Variants in MINPP1 observed in about 807,000 individuals in gnomAD.
MINPP1 encodes the protein multiple inositol polyphosphate phosphatase 1.
In MINPP1, 28 loss-of-function variants were observed where a neutral mutation model predicts 46.1. The ratio of observed to expected loss-of-function variants is 0.61; its 90% CI spans 0.45 to 0.83. The LOEUF is 0.83. Among genes scored for constraint, MINPP1 ranks in the 40% least tolerant of loss-of-function variants. The probability of loss-of-function intolerance (pLI) is 0.00; values close to 1 mark genes in which losing one functional copy is unlikely to be tolerated. For missense variants in MINPP1, 603 were observed against 610.0 expected (o/e 0.99, Z 0.12); for synonymous variants, 268 against 249.1 (o/e 1.08, Z -0.72).
At chr10:87,528,458 C>T (rs547887851) in intron 4 of MINPP1, among the ~76,000 whole-genome samples, 14 of 152,270 alleles carry the variant, frequency 9.2e-5, no homozygotes, top group African/African-American at 2.4e-4. Context: ...GCCTTCATTT[C>T]GTTATGTACC....
At chr10:87,520,520 A>G (rs538127257) in intron 3 of MINPP1, among the ~76,000 whole-genome samples, 1 of 152,310 alleles carries the variant, frequency 6.6e-6, no homozygotes, top group South Asian at 2.1e-4. Context: ...AAACAGATAC[A>G]TGAACCAAAG....
intron 3 of MINPP1, among the ~76,000 whole-genome samples, chr10:87,517,358 T>G (rs541825964): frequency 1.3e-5 from 2 of 152,308 alleles, no homozygotes; most frequent in African/African-American, 2.4e-5. Context: ...GTAAAACATG[T>G]ACCTGTAGCA....
In MINPP1 at chr10:87,505,344, C is replaced by T. The variant is rs780632532; in HGVS notation, c.429C>T (p.Asp143=). Reference sequence around the variant, plus strand: ...CTTTGTGGTACGCGGACTGGATGGACGGGCAGCTAGTAGAGAAGGGACGGC... The same window carrying T: ...CTTTGTGGTACGCGGACTGGATGGATGGGCAGCTAGTAGAGAAGGGACGGC... The part of the protein sequence containing the change: ...DWPLWYADWM[D]GQLVEKGRQD... Residue 143 remains aspartate, a synonymous_variant, in exon 1 of 5, where the codon GAC becomes GAT. Transcript: ENST00000371996. The surrounding 1 kb of genome is among the most constrained non-coding windows in gnomAD (Gnocchi z 4.4). The T allele has an allele frequency of 4.3e-6, 7 of 1,613,782 alleles. No individual in the cohort carries two copies. The highest frequency in any genetic ancestry group is 2.2e-5 in the East Asian group (1 of 44,888).
chr10:87,547,278 T>G (rs1041886309), intron 4 of MINPP1, among the ~76,000 whole-genome samples: 35 of 152,074 alleles, frequency 2.3e-4, no homozygotes, highest in Admixed American at 2.2e-3. Flanking sequence ...ACCCAGCTAG[T>G]TTTTTTGTAT....
At chr10:87,519,614 A>G (rs746687950) in intron 3 of MINPP1, among the ~76,000 whole-genome samples, 2 of 152,212 alleles carry the variant, frequency 1.3e-5, no homozygotes, top group Non-Finnish European at 2.9e-5. Context: ...GTAGGCAGCA[A>G]TGCTAGTGTA....
At chr10:87,541,634 CA>C (rs911588536) in intron 4 of MINPP1, among the ~76,000 whole-genome samples, 1 of 152,182 alleles carries the variant, frequency 6.6e-6, no homozygotes, top group Non-Finnish European at 1.5e-5. Context: ...AATTGGCTCA[CA>C]GTTCTGCAGG....
At chr10:87,523,350 A>G (rs1851529552) in intron 4 of MINPP1, among the ~76,000 whole-genome samples, 2 of 142,032 alleles carry the variant, frequency 1.4e-5, no homozygotes, top group African/African-American at 5.6e-5. Flanking sequence ...GTCATATGAA[A>G]TTTCTGTTTT....
chr10:87,528,848 C>G (rs1236993547), intron 4 of MINPP1, among the ~76,000 whole-genome samples: 11 of 152,132 alleles, frequency 7.2e-5, no homozygotes, highest in Non-Finnish European at 1.5e-4. Flanking sequence ...GAGTCTAAGT[C>G]TCTTTGTAGG....
intron 4 of MINPP1, among the ~76,000 whole-genome samples, chr10:87,540,966 T>G (rs898576597): frequency 6.6e-5 from 10 of 152,206 alleles, no homozygotes; most frequent in Non-Finnish European, 1.5e-4. Context: ...GTTTAAAAGT[T>G]ATAAAAACAA....
chr10:87,517,029 A>T (rs911222891), intron 3 of MINPP1, among the ~76,000 whole-genome samples: 2 of 152,156 alleles, frequency 1.3e-5, no homozygotes, highest in East Asian at 3.8e-4. Flanking sequence ...ACATGGACAG[A>T]TAGAGGGGAA....
intron 4 of MINPP1, among the ~76,000 whole-genome samples, chr10:87,523,263 A>G (rs978143420): frequency 1.3e-5 from 2 of 152,194 alleles, no homozygotes; most frequent in African/African-American, 4.8e-5. Context: ...TACATTCCTC[A>G]GATCCATTAA....
chr10:87,508,329 C>G lies in MINPP1; in HGVS notation c.638-7C>G, dbSNP rs766090928. 6.2e-7 allele frequency: 1 copy of G among 1,612,152 alleles called. No individual in the cohort carries two copies. Among genetic ancestry groups the G allele is most frequent in the South Asian group, 1.1e-5 (1 of 90,638 alleles). ...TACAAATACATATAAATTTTTTTCT[C>G]TTTCAGATATGGAGTTTGGACCTCC... On this transcript the variant is annotated splice_polypyrimidine_tract_variant and splice_region_variant and intron_variant, in intron 1 of 4. Transcript: ENST00000371996.
intron 1 of MINPP1, 134 bp from the exon 2 acceptor site, chr10:87,508,202 A>G: frequency 6.5e-7 from 1 of 1,549,186 alleles, no homozygotes; most frequent in South Asian, 1.2e-5. Context: ...TTTCCTGACC[A>G]ATATGTGCTT....
chr10:87,550,266 T>A lies in MINPP1; in HGVS notation c.1068-1816T>A, dbSNP rs530643619. Among the ~76,000 whole-genome samples, 4 of 152,312 alleles carry A rather than the reference T, an allele frequency of 2.6e-5. No homozygotes were observed. The South Asian group carries it at 8.3e-4, about 32-fold the overall frequency. ...CTGGTCAAACTAAATATGGCTGTGT[T>A]CTGAATGCTACCGCTTGGTAACTTC... On this transcript the variant is annotated intron_variant, in intron 4 of 4. Coordinates refer to ENST00000371996, the MANE Select transcript of MINPP1 (RefSeq NM_004897.5).
chr10:87,519,184 T>C (rs901289348), intron 3 of MINPP1, among the ~76,000 whole-genome samples: 19 of 152,128 alleles, frequency 1.2e-4, no homozygotes, highest in African/African-American at 4.6e-4. Flanking sequence ...AAAGCCAATA[T>C]ATACATATCA....
chr10:87,542,137 G>T (rs1487727943), intron 4 of MINPP1, among the ~76,000 whole-genome samples: 1 of 152,116 alleles, frequency 6.6e-6, no homozygotes, highest in Non-Finnish European at 1.5e-5. Context: ...CTGTGATCCT[G>T]TGAGATCAGA....
chr10:87,536,847 C>T (rs1851742643), intron 4 of MINPP1, among the ~76,000 whole-genome samples: 1 of 152,070 alleles, frequency 6.6e-6, no homozygotes, highest in African/African-American at 2.4e-5. Flanking sequence ...AATAATGCTT[C>T]TGAATATTTG....
intron 4 of MINPP1, among the ~76,000 whole-genome samples, chr10:87,531,682 G>A (rs139802976): frequency 4.9e-4 from 75 of 152,306 alleles, no homozygotes; most frequent in African/African-American, 1.6e-3. Flanking sequence ...CGGATGTGAT[G>A]CAGCAAGTCA....
rs1851218691 is a variant in MINPP1, at chr10:87,505,064, A to G, written c.149A>G (p.Lys50Arg). The change falls in exon 1 of 5, where the codon AAG becomes AGG. Residue 50 changes from lysine (K) to arginine (R), a missense_variant. Transcript: ENST00000371996. This position sits in a 1 kb window ranked among gnomAD's most constrained non-coding sequence, Gnocchi z 4.4. ...TCGCTCAGCCCCTATTTCGGCACCA[A>G]GACTCGCTACGAGGATGTCAACCCC... ...ASSLSPYFGTKTRYEDVNPVL... is the reference protein window; with the variant it reads ...ASSLSPYFGTRTRYEDVNPVL... The G allele has an allele frequency of 1.9e-6, 3 of 1,613,514 alleles. No individual in the cohort carries two copies. The highest frequency in any genetic ancestry group is 2.5e-6 in the Non-Finnish European group (3 of 1,179,912).
Sources: gnomAD v4.1 joint callset for allele counts (sites outside exome capture counted in the v4.1 genomes callset) on GRCh38, gnomAD v4.1.1 for gene constraint, Gnocchi (gnomAD v3.1) non-coding constraint, MANE v1.5 for transcripts, NCBI Gene and HGNC (gene_info 2026-07-23, HGNC 2026-07-21) for gene names.